Variants in EPCIP observed in about 807,000 individuals in gnomAD.
EPCIP encodes exosomal polycystin 1 interacting protein.
the EPCIP span, among the ~76,000 whole-genome samples, chr21:32,799,681 C>T: frequency 2.0e-5 from 3 of 152,224 alleles, no homozygotes; most frequent in East Asian, 5.8e-4. Context: ...GTGGTTCACA[C>T]CTGTAATCCC....
At chr21:32,798,931 C>G in the EPCIP span, 1 of 152,018 alleles carries the variant, frequency 6.6e-6, no homozygotes, top group South Asian at 2.1e-4. Flanking sequence ...CCACTGCACT[C>G]CAGCCTGAGT....
At chr21:32,802,395 A>G in the EPCIP span, among the ~76,000 whole-genome samples, 95 of 152,298 alleles carry the variant, frequency 6.2e-4, no homozygotes, top group African/African-American at 2.1e-3. Flanking sequence ...CCCTCTTTGG[A>G]GGCTCCTGCA....
the EPCIP span, chr21:32,793,810 G>T: frequency 1.2e-6 from 2 of 1,614,186 alleles, no homozygotes; most frequent in East Asian, 2.2e-5. Flanking sequence ...GCATTGGGAA[G>T]GTTCTAAAGT....
the EPCIP span, among the ~76,000 whole-genome samples, chr21:32,802,311 A>G: frequency 6.6e-6 from 1 of 152,222 alleles, no homozygotes; most frequent in South Asian, 2.1e-4. Context: ...ATGAAAAATA[A>G]ATAAAAATGA....
chr21:32,806,418 C>T, the EPCIP span, among the ~76,000 whole-genome samples: 1 of 152,154 alleles, frequency 6.6e-6, no homozygotes, highest in Admixed American at 6.5e-5. Context: ...ATGAAAGGAC[C>T]ATTGTGCGCA....
chr21:32,803,307 T>C, the EPCIP span, among the ~76,000 whole-genome samples: 5 of 152,226 alleles, frequency 3.3e-5, no homozygotes, highest in African/African-American at 1.2e-4. Context: ...GGCTACCTTG[T>C]TCCTTATTAG....
chr21:32,810,421 ATTTTT>A, the EPCIP span, among the ~76,000 whole-genome samples: 2 of 122,632 alleles, frequency 1.6e-5, no homozygotes, highest in East Asian at 2.3e-4. Flanking sequence ...ATGCCCGGTA[ATTTTT>A]TTTTTTTTTT....
At chr21:32,806,126 G>C in the EPCIP span, among the ~76,000 whole-genome samples, 1 of 152,156 alleles carries the variant, frequency 6.6e-6, no homozygotes, top group African/African-American at 2.4e-5. Context: ...GCTGCAAGAA[G>C]TGCTTTTAAG....
the EPCIP span, among the ~76,000 whole-genome samples, chr21:32,796,158 T>C: frequency 1.3e-5 from 2 of 152,260 alleles, no homozygotes; most frequent in South Asian, 2.1e-4. Context: ...CCAGTCCTCA[T>C]AGAACTTATG....
At chr21:32,806,047 C>G in the EPCIP span, among the ~76,000 whole-genome samples, 1 of 152,074 alleles carries the variant, frequency 6.6e-6, no homozygotes, top group Non-Finnish European at 1.5e-5. Context: ...AGGGATGGGA[C>G]AGTGGCATTT....
chr21:32,809,693 C>A, the EPCIP span, among the ~76,000 whole-genome samples: 1 of 152,002 alleles, frequency 6.6e-6, no homozygotes, highest in Non-Finnish European at 1.5e-5. Context: ...CCAATCTGGA[C>A]CCCATTCGCC....
chr21:32,798,925 T>C, the EPCIP span: 2 of 152,134 alleles, frequency 1.3e-5, no homozygotes, highest in Admixed American at 6.5e-5. Flanking sequence ...ATTGTGCCAC[T>C]GCACTCCAGC....
the EPCIP span, among the ~76,000 whole-genome samples, chr21:32,804,055 T>G: frequency 6.6e-6 from 1 of 152,204 alleles, no homozygotes; most frequent in African/African-American, 2.4e-5. Flanking sequence ...AGTAAATTCA[T>G]GTCTCCATAA....
the EPCIP span, chr21:32,807,778 G>A: frequency 6.6e-6 from 1 of 152,226 alleles, no homozygotes; most frequent in Non-Finnish European, 1.5e-5. Context: ...GGGAATTTGA[G>A]CTTACTCTCC....
At chr21:32,804,244 C>T in the EPCIP span, among the ~76,000 whole-genome samples, 1 of 149,914 alleles carries the variant, frequency 6.7e-6, no homozygotes, top group Non-Finnish European at 1.5e-5. Context: ...TCCAACCACA[C>T]AGGTTGCAAA....
chr21:32,810,412 T>C, the EPCIP span, among the ~76,000 whole-genome samples: 106,256 of 148,614 alleles, frequency 0.71, 38,805 homozygotes, highest in East Asian at 0.91. Flanking sequence ...CCCACCACCA[T>C]GCCCGGTAAT....
At chr21:32,792,521 G>A in the EPCIP span, among the ~76,000 whole-genome samples, 6,597 of 152,186 alleles carry the variant, frequency 0.043, 188 homozygotes, top group Non-Finnish European at 0.067. Flanking sequence ...GATTTTTGGA[G>A]CAAGAGGAAA....
At chr21:32,805,767 G>A in the EPCIP span, among the ~76,000 whole-genome samples, 2 of 152,146 alleles carry the variant, frequency 1.3e-5, no homozygotes, top group African/African-American at 2.4e-5. Context: ...CAGCCCTTCT[G>A]TATTCACAGC....
chr21:32,810,673 C>G, the EPCIP span: 1 of 471,600 alleles, frequency 2.1e-6, no homozygotes, highest in Admixed American at 2.3e-5. Context: ...TTAAATACCA[C>G]CTAGATGCTG....
Sources: gnomAD v4.1 joint callset for allele counts (sites outside exome capture counted in the v4.1 genomes callset) on GRCh38, gnomAD v4.1.1 for gene constraint, MANE v1.5 for transcripts, NCBI Gene and HGNC (gene_info 2026-07-23, HGNC 2026-07-21) for gene names.